Variants in ITSN1 observed in about 807,000 individuals in gnomAD.
ITSN1 encodes the protein intersectin-1.
ITSN1 carries 58 observed loss-of-function variants against 239.8 expected under a neutral mutation model. The ratio of observed to expected loss-of-function variants is 0.24; its 90% CI spans 0.20 to 0.30. ITSN1 has a LOEUF of 0.30. ITSN1 is among the 10% of genes least tolerant of loss of function. The pLI, the probability that ITSN1 is intolerant of heterozygous loss-of-function variation, is 1.00. For missense variants in ITSN1, 1,558 were observed against 2,103.3 expected (o/e 0.74, Z 5.07); for synonymous variants, 780 against 770.8 (o/e 1.01, Z -0.20).
intron 1 of ITSN1, among the ~76,000 whole-genome samples, chr21:33,717,209 T>G (rs1400307964): frequency 1.3e-5 from 2 of 151,940 alleles, no homozygotes; most frequent in Non-Finnish European, 2.9e-5. Context: ...TTAATTTTTG[T>G]TTTTGAGACA....
chr21:33,897,127 CAG>C lies in ITSN1; in HGVS notation c.*8829_*8830del, dbSNP rs1370963281. Reference sequence around the variant, plus strand: ...GTCATCTGCTAAACATTCACTGTGACAGAAAGTAGATATTTTAGCAAGATCTA... The same window carrying C: ...GTCATCTGCTAAACATTCACTGTGACAAAGTAGATATTTTAGCAAGATCTA... On this transcript the variant is annotated 3_prime_UTR_variant, in exon 40 of 40. Coordinates refer to ENST00000381318, the MANE Select transcript of ITSN1 (RefSeq NM_003024.3). 6.6e-6 allele frequency: 1 copy of C among 152,212 alleles called. No homozygotes were observed. Among genetic ancestry groups the C allele is most frequent in the Non-Finnish European group, 1.5e-5 (1 of 68,028 alleles). The allele number at this position is 152,212 out of a possible 1,614,324, so 9.4% of individuals were successfully genotyped here. A position where few individuals can be genotyped will look rare whatever the true frequency, so the allele number is the denominator to read the frequency against.
At chr21:33,876,102 CT>C (rs1174178237) in intron 34 of ITSN1, among the ~76,000 whole-genome samples, 348 of 110,082 alleles carry the variant, frequency 3.2e-3, no homozygotes, top group East Asian at 5.0e-3. Flanking sequence ...TCTTTCTTTC[CT>C]TCTTTCTTTC....
intron 12 of ITSN1, among the ~76,000 whole-genome samples, chr21:33,772,679 A>T (rs2069256610): frequency 6.6e-6 from 1 of 152,220 alleles, no homozygotes; most frequent in Non-Finnish European, 1.5e-5. Context: ...TCCACATTGT[A>T]AAATGAATCA....
At chr21:33,698,142 T>G (rs1390708684) in intron 1 of ITSN1, among the ~76,000 whole-genome samples, 2 of 152,208 alleles carry the variant, frequency 1.3e-5, no homozygotes, top group Non-Finnish European at 2.9e-5. Context: ...TTAGAAGAAC[T>G]GAGGTTAAAA....
At chr21:33,649,508 A>G (rs2088309352) in intron 1 of ITSN1, among the ~76,000 whole-genome samples, 1 of 152,160 alleles carries the variant, frequency 6.6e-6, no homozygotes, top group African/African-American at 2.4e-5. Flanking sequence ...CAGAGAGAAC[A>G]TTGGTGAAAT....
chr21:33,843,302 C>A (rs1449863350), intron 29 of ITSN1, among the ~76,000 whole-genome samples: 2 of 152,152 alleles, frequency 1.3e-5, no homozygotes, highest in African/African-American at 4.8e-5. Flanking sequence ...CGGGAAGGGG[C>A]CCCTCTTGCC....
intron 7 of ITSN1, among the ~76,000 whole-genome samples, chr21:33,752,654 G>A (rs538327466): frequency 6.6e-6 from 1 of 152,278 alleles, no homozygotes; most frequent in African/African-American, 2.4e-5. Context: ...GAGAGGCTGA[G>A]GCAGGAGGAT....
At chr21:33,790,089 C>G (rs1226825396) in intron 16 of ITSN1, among the ~76,000 whole-genome samples, 1 of 152,012 alleles carries the variant, frequency 6.6e-6, no homozygotes, top group Non-Finnish European at 1.5e-5. Context: ...TGTGCTTGAT[C>G]AAAGACCCCT....
intron 34 of ITSN1, among the ~76,000 whole-genome samples, chr21:33,878,006 CTTTGTGTGTGTGTGTGTG>C (rs1984258316): frequency 9.7e-6 from 1 of 103,262 alleles, no homozygotes; most frequent in Non-Finnish European, 2.0e-5. Flanking sequence ...TTCTCTCTCT[CTTTGTGTGTGTGTGTGTG>C]TGTGTGTGTG....
At chr21:33,676,189 G>A (rs532184312) in intron 1 of ITSN1, among the ~76,000 whole-genome samples, 1 of 152,060 alleles carries the variant, frequency 6.6e-6, no homozygotes, top group East Asian at 1.9e-4. Flanking sequence ...CACCACGTTG[G>A]TCAGGCTGGT....
Position 33,851,220 on chromosome 21 carries a change from G to C in ITSN1, c.3662-5516G>C, listed in dbSNP as rs377554282. Among the ~76,000 whole-genome samples, 277 of 152,078 alleles carry C rather than the reference G, an allele frequency of 1.8e-3. 2 individuals are homozygous for C. The highest frequency in any genetic ancestry group is 6.1e-3 in the African/African-American group (251 of 41,468). On this transcript the variant is annotated intron_variant, in intron 29 of 39. Transcript: ENST00000381318. The stretch of plus-strand genomic sequence containing the variant: ...GCGTCGACCTGGCACCTGGGTGAAG[G>C]CTTGCTCTTGCTGGTGCCCATAGCC...
chr21:33,709,125 G>T (rs934064788), intron 1 of ITSN1, among the ~76,000 whole-genome samples: 6 of 152,028 alleles, frequency 3.9e-5, no homozygotes, highest in Non-Finnish European at 7.4e-5. Context: ...CTTATTCTAG[G>T]TCTTTACTAT....
At chr21:33,772,945 A>AT (rs1266640356) in intron 12 of ITSN1, among the ~76,000 whole-genome samples, 1 of 151,570 alleles carries the variant, frequency 6.6e-6, no homozygotes, top group Non-Finnish European at 1.5e-5. Flanking sequence ...GGGCTGTATA[A>AT]TTTTTTAAAA....
chr21:33,774,585 A>T (rs1028435294), intron 12 of ITSN1, 144 bp from the exon 13 acceptor site: 7 of 683,604 alleles, frequency 1.0e-5, no homozygotes, highest in Non-Finnish European at 1.7e-5. Context: ...TTTTTATGTA[A>T]TTTTTTGTTT....
intron 29 of ITSN1, among the ~76,000 whole-genome samples, chr21:33,838,793 G>A (rs1187023747): frequency 6.6e-6 from 1 of 152,190 alleles, no homozygotes; most frequent in Non-Finnish European, 1.5e-5. Context: ...TTTGATATAA[G>A]TTGTCGACAC....
chr21:33,765,149 T>C lies in ITSN1; in HGVS notation c.789-726T>C, dbSNP rs562128319. 2.6e-5 allele frequency among the ~76,000 whole-genome samples: 4 copies of C among 152,364 alleles called. No homozygotes were observed. In the East Asian group the frequency reaches 7.7e-4, roughly 29 times the overall value. On this transcript the variant is annotated intron_variant, in intron 9 of 39. Coordinates refer to ENST00000381318, the MANE Select transcript of ITSN1 (RefSeq NM_003024.3). ...AGTATGATAAGGATTGTATGTCTTA[T>C]AAACTGTAAAATATTTACTACCTGA...
chr21:33,831,185 G>A (rs994187335), intron 27 of ITSN1, among the ~76,000 whole-genome samples: 6 of 152,154 alleles, frequency 3.9e-5, no homozygotes, highest in East Asian at 3.8e-4. Flanking sequence ...ACTGCCAGGC[G>A]GGCACCTGGC....
At chr21:33,748,533 A>C (rs189401304) in intron 5 of ITSN1, among the ~76,000 whole-genome samples, 54 of 152,250 alleles carry the variant, frequency 3.5e-4, no homozygotes, top group Non-Finnish European at 1.5e-5. Context: ...GTTGAAAAGA[A>C]AATTTACTTT....
At position 33,817,185 on chromosome 21, in the gene ITSN1, A is replaced by G; in HGVS notation, c.2728-1082A>G. 3 of 1,255,720 alleles carry G rather than the reference A, an allele frequency of 2.4e-6. No individual in the cohort carries two copies. In the South Asian group the frequency reaches 4.1e-5, roughly 17 times the overall value. The allele number at this position is 1,255,720 out of a possible 1,614,324, so 77.8% of individuals were successfully genotyped here. On this transcript the variant is annotated intron_variant, in intron 22 of 39. Coordinates refer to ENST00000381318, the MANE Select transcript of ITSN1 (RefSeq NM_003024.3). ...TGCTTTAAGATACTGTAATGGTTTA[A>G]TGCTATAGCTTAAAAGATAATAAAT...
Sources: allele counts gnomAD v4.1 joint callset (sites outside exome capture counted in the v4.1 genomes callset), GRCh38; gene constraint gnomAD v4.1.1; transcripts MANE v1.5; gene names NCBI Gene and HGNC (gene_info 2026-07-23, HGNC 2026-07-21).